SH2D2A: variants seen among roughly 807,000 people sequenced by gnomAD.
SH2D2A encodes SH2 domain-containing protein 2A.
Under a neutral mutation model 43.6 loss-of-function variants are expected in SH2D2A, and 33 were observed. That is an observed-to-expected ratio of 0.76 (90% CI 0.57 to 1.01). The LOEUF is 1.01. SH2D2A is among the 50% of genes least tolerant of loss of function. The pLI is 0.00. For synonymous variants in SH2D2A, 212 were observed against 206.1 expected (o/e 1.03, Z -0.25); for missense variants, 491 against 503.1 (o/e 0.98, Z 0.23).
At chr1:156,813,606 T>A (rs1251056648) in intron 5 of SH2D2A, among the ~76,000 whole-genome samples, 1 of 152,184 alleles carries the variant, frequency 6.6e-6, no homozygotes. Context: ...CCCTGGCCTC[T>A]CCTTGCCCCT....
intron 8 of SH2D2A, among the ~76,000 whole-genome samples, 190 bp from the exon 9 acceptor site, chr1:156,806,763 G>T (rs1265985346): frequency 6.6e-6 from 1 of 152,214 alleles, no homozygotes; most frequent in Non-Finnish European, 1.5e-5. Context: ...AGGAAGCCTG[G>T]TTCTAGTCCT....
rs538561841 is a variant in SH2D2A, at chr1:156,807,325, C to A, written c.1023G>T (p.Leu341=). The change falls in exon 8 of 9, where the codon CTG becomes CTT. Residue 341 remains leucine (L), a synonymous_variant. Transcript: ENST00000368199. This position sits in a 1 kb window ranked among gnomAD's most constrained non-coding sequence, Gnocchi z 5.1. ...GCCCAATCACAGAGTTCTCAGAATGCAGCTGGGAGCCACCTGTATTCTGCA... is the reference window on the plus strand; with the variant it reads ...GCCCAATCACAGAGTTCTCAGAATGAAGCTGGGAGCCACCTGTATTCTGCA... The part of the protein sequence containing the change: ...PGGQNTGGSQ[L]HSENSVIGQG... 1.3e-6 allele frequency: 2 copies of A among 1,573,228 alleles called. No individual in the cohort carries two copies. Among genetic ancestry groups the A allele is most frequent in the Admixed American group, 1.8e-5 (1 of 56,510 alleles).
Position 156,813,952 on chromosome 1 carries a change from C to G in SH2D2A, c.463G>C (p.Gly155Arg). 6.5e-7 allele frequency: 1 copy of G among 1,531,620 alleles called. No individual in the cohort carries two copies. Among genetic ancestry groups the G allele is most frequent in the Non-Finnish European group, 8.7e-7 (1 of 1,143,008 alleles). The allele number at this position is 1,531,620 out of a possible 1,614,324, so 94.9% of individuals were successfully genotyped here. A position where few individuals can be genotyped will look rare whatever the true frequency, so the allele number is the denominator to read the frequency against. ...AGCCGCGCGTGGGCGCTGTCCTCGC[C>G]CAGCACCACGTGGCGCCCGTCCCTG... Reference protein sequence around the residue: ...QLRDGRHVVLGEDSAHARLQD... With the variant: ...QLRDGRHVVLREDSAHARLQD... Residue 155 changes from glycine to arginine, a missense_variant, in exon 5 of 9, where the codon GGC becomes CGC. Gly to Arg is a moderately radical substitution (Grantham distance 125). Transcript: ENST00000368199.
chr1:156,813,677 A>G (rs911548547), intron 5 of SH2D2A, among the ~76,000 whole-genome samples, 171 bp downstream of exon 5: 1 of 152,136 alleles, frequency 6.6e-6, no homozygotes, highest in Non-Finnish European at 1.5e-5. Context: ...ATATTTCTCG[A>G]AGGGCCTGCC....
In SH2D2A at chr1:156,816,030, G is replaced by A. The variant is rs373057791; in HGVS notation, c.99C>T (p.Ser33=). Residue 33 remains serine, a synonymous_variant, in exon 2 of 9, where the codon AGC becomes AGT. Coordinates refer to ENST00000368199, the MANE Select transcript of SH2D2A (RefSeq NM_003975.4). ...CCGCAGTGTAGCCCAGGTTCTGGCA[G>A]CTCCTGCGGGTCATGTCTGTGATCT... ...TFQITDMTRR[S]CQNLGYTAAS... 5.5e-5 allele frequency: 89 copies of A among 1,613,948 alleles called. No homozygotes were observed. In the South Asian group the frequency reaches 6.4e-4, roughly 12 times the overall value.
chr1:156,809,804 G>T lies in SH2D2A; in HGVS notation c.571C>A (p.Pro191Thr). 6.2e-7 allele frequency: 1 copy of T among 1,613,834 alleles called. No homozygotes were observed. Among genetic ancestry groups the T allele is most frequent in the East Asian group, 2.2e-5 (1 of 44,856 alleles). Residue 191 changes from proline to threonine, a missense_variant, in exon 6 of 9, where the codon CCT (proline) becomes ACT (threonine). By Grantham distance (38) the Pro-to-Thr change is conservative. Transcript: ENST00000368199. This position sits in a 1 kb window ranked among gnomAD's most constrained non-coding sequence, Gnocchi z 4.8. Reference protein sequence around the residue: ...TLTEPLARQTPEPAGLSLRTE... With the variant: ...TLTEPLARQTTEPAGLSLRTE... ...CTCAGGGAAAGTCCTGCAGGCTCAGGAGTCTGCTGGGAAAGAAGGAGGTCT... is the reference window on the plus strand; with the variant it reads ...CTCAGGGAAAGTCCTGCAGGCTCAGTAGTCTGCTGGGAAAGAAGGAGGTCT...
rs746561400 is a variant in SH2D2A at position 156,815,057 on chromosome 1, G to C, written c.288C>G (p.Phe96Leu). 1.3e-6 allele frequency: 2 copies of C among 1,574,432 alleles called. No individual in the cohort carries two copies. Among genetic ancestry groups the C allele is most frequent in the Admixed American group, 1.8e-5 (1 of 55,772 alleles). ...LLQHGAAPAW[F>L]HGFITRREAE... ...CTCACCTCCGGGTGATGAAGCCATG[G>C]AACCAGGCAGGGGCTGCCCCGTGCT... is the stretch of plus-strand genomic sequence containing the variant. The change falls in exon 3 of 9, where the codon TTC becomes TTG. Residue 96 changes from phenylalanine to leucine, a missense_variant. Phe to Leu is a conservative substitution (Grantham distance 22). Transcript: ENST00000368199.
intron 2 of SH2D2A, chr1:156,815,675 C>A: frequency 2.4e-6 from 2 of 841,118 alleles, no homozygotes; most frequent in Non-Finnish European, 4.1e-6. Flanking sequence ...AGGACTGAGA[C>A]GGGAATGTGG....
chr1:156,814,758 C>T, intron 3 of SH2D2A: 3 of 420,874 alleles, frequency 7.1e-6, no homozygotes. Context: ...TGGAAAATAC[C>T]AGCATTCGAG....
chr1:156,813,718 A>C, intron 5 of SH2D2A, 130 bp downstream of exon 5: 1 of 826,062 alleles, frequency 1.2e-6, no homozygotes, highest in Non-Finnish European at 1.7e-6. Context: ...ATGCCTGGGT[A>C]AGGGAGGCAT....
chr1:156,808,596 C>A (rs558711902), intron 7 of SH2D2A, among the ~76,000 whole-genome samples: 2 of 151,802 alleles, frequency 1.3e-5, no homozygotes, highest in East Asian at 3.9e-4. Flanking sequence ...CCGCAGAGGC[C>A]GAGGGAGAGG....
chr1:156,814,464 C>G, intron 3 of SH2D2A, 170 bp from the exon 4 acceptor site: 1 of 1,282,088 alleles, frequency 7.8e-7, no homozygotes, highest in Non-Finnish European at 1.1e-6. Context: ...TGCTCTCCCG[C>G]TGCAGGGATT....
intron 5 of SH2D2A, among the ~76,000 whole-genome samples, chr1:156,811,732 A>G (rs1013219280): frequency 2.6e-5 from 4 of 152,150 alleles, no homozygotes; most frequent in African/African-American, 9.7e-5. Flanking sequence ...CTTCCAGAGC[A>G]TCACACTCTT....
At chr1:156,815,789 G>A (rs542067267) in intron 2 of SH2D2A, 1 of 1,613,624 alleles carries the variant, frequency 6.2e-7, no homozygotes, top group South Asian at 1.1e-5. Flanking sequence ...AGCTTCCAGA[G>A]GGCCTAGGAG....
intron 3 of SH2D2A, 64 bp downstream of exon 3, chr1:156,814,973 G>T (rs1228063338): frequency 8.1e-6 from 11 of 1,356,828 alleles, no homozygotes; most frequent in Non-Finnish European, 7.8e-6. Flanking sequence ...CTGGCAGGTG[G>T]CAGGACCCAG....
intron 5 of SH2D2A, among the ~76,000 whole-genome samples, chr1:156,813,109 G>A (rs59227915): frequency 0.015 from 2,291 of 152,268 alleles, 46 homozygotes; most frequent in African/African-American, 0.052. Context: ...TCATGGGTCT[G>A]TTCTCAGGGC....
rs769684811 is a variant in SH2D2A at position 156,815,138 on chromosome 1, G to A, written c.207C>T (p.Phe69=). 2 of 1,608,960 alleles carry A rather than the reference G, an allele frequency of 1.2e-6. No individual in the cohort carries two copies. The highest frequency in any genetic ancestry group is 4.5e-5 in the East Asian group (2 of 44,556). The change falls in exon 3 of 9, where the codon TTC becomes TTT. Residue 69 remains phenylalanine, a synonymous_variant. Coordinates refer to ENST00000368199, the MANE Select transcript of SH2D2A (RefSeq NM_003975.4). ...AEEVPGEGSL[F]LQAETRAWFQ... is the part of the protein sequence containing the mutation. ...ACCAAGCCCGGGTCTCGGCCTGCAG[G>A]AACAGGCTTCCTTCTCCAGGCACCT...
At position 156,807,370 on chromosome 1, in the gene SH2D2A, G is replaced by T; in HGVS notation, c.1003-25C>A. The T allele has an allele frequency of 6.7e-7, 1 of 1,490,516 alleles. No homozygotes were observed. Among genetic ancestry groups the T allele is most frequent in the Non-Finnish European group, 8.9e-7 (1 of 1,124,508 alleles). 92.3% of individuals were successfully genotyped at this position (1,490,516 alleles called of 1,614,324 possible). On this transcript the variant is annotated intron_variant, in intron 7 of 8. Coordinates refer to ENST00000368199, the MANE Select transcript of SH2D2A (RefSeq NM_003975.4). This position sits in a 1 kb window ranked among gnomAD's most constrained non-coding sequence, Gnocchi z 5.1. ...TCTGCAGAGAGAAGGACAGTTCTAG[G>T]TCACACCCTCTACCCTCTGCCTCCT...
At chr1:156,814,337 T>G in intron 3 of SH2D2A, 43 bp from the exon 4 acceptor site, 1 of 1,594,188 alleles carries the variant, frequency 6.3e-7, no homozygotes, top group Non-Finnish European at 8.5e-7. Context: ...GCTCTGACAC[T>G]TCCAGCCTCG....
Sources: allele counts gnomAD v4.1 joint callset (sites outside exome capture counted in the v4.1 genomes callset), GRCh38; gene constraint gnomAD v4.1.1; non-coding constraint Gnocchi (gnomAD v3.1); transcripts MANE v1.5; gene names NCBI Gene and HGNC (gene_info 2026-07-23, HGNC 2026-07-21).